Variants in PIEZO1 observed in about 807,000 individuals in gnomAD.
PIEZO1 encodes piezo-type mechanosensitive ion channel component 1.
PIEZO1 carries 296 observed loss-of-function variants against 297.2 expected under a neutral mutation model. The ratio of observed to expected loss-of-function variants is 1.00; its 90% CI spans 0.91 to 1.10. The LOEUF is 1.10. Ranked by LOEUF, PIEZO1 falls within the 50% of genes least tolerant of loss-of-function variation. The pLI, the probability that PIEZO1 is intolerant of heterozygous loss-of-function variation, is 0.00. For missense variants in PIEZO1, 5,018 were observed against 3,455.5 expected, an observed-to-expected ratio of 1.45 and a Z score of -11.34; for synonymous variants, 2,427 against 1,507.5, an observed-to-expected ratio of 1.61 and a Z score of -14.13.
intron 2 of PIEZO1, chr16:88,743,286 G>A (rs887029325): frequency 6.6e-6 from 3 of 456,456 alleles, no homozygotes; most frequent in South Asian, 3.1e-5. Flanking sequence ...CTTCAGCAGG[G>A]GTCCGGACCA....
rs1025262017 is a variant in PIEZO1 at position 88,720,170 on chromosome 16, G to C, written c.6063C>G (p.Leu2021=). The change falls in exon 42 of 51, where the codon CTC becomes CTG. Residue 2021 remains leucine, a synonymous_variant. Coordinates refer to ENST00000301015, the MANE Select transcript of PIEZO1 (RefSeq NM_001142864.4). The part of the protein sequence containing the change: ...QFSTMVVDRA[L]YLRKTVLGKL... The stretch of plus-strand genomic sequence containing the variant: ...TGCCCAGCACGGTCTTGCGCAGGTA[G>C]AGGGCGCGGTCAACCACCATGGTAC... The C allele has an allele frequency of 2.3e-5, 36 of 1,550,424 alleles. No individual in the cohort carries two copies. Among genetic ancestry groups the C allele is most frequent in the Non-Finnish European group, 3.1e-5 (35 of 1,146,996 alleles).
At chr16:88,719,755 C>T in intron 43 of PIEZO1, 34 bp from the exon 44 acceptor site, 1 of 1,550,178 alleles carries the variant, frequency 6.5e-7, no homozygotes, top group African/African-American at 1.4e-5. Context: ...CAGGTGGGCT[C>T]CCTCATGCCC....
rs1037288948 is a variant in PIEZO1, at chr16:88,727,409, T to C, written c.3301+148A>G. 1.2e-4 allele frequency: 79 copies of C among 647,534 alleles called. No individual in the cohort carries two copies. In the Admixed American group the frequency reaches 2.3e-3, roughly 19 times the overall value. 40.1% of individuals were successfully genotyped at this position (647,534 alleles called of 1,614,324 possible). A position where few individuals can be genotyped will look rare whatever the true frequency, so the allele number is the denominator to read the frequency against. ...GCACACAGGCTGAGGTCTGCGTGCGTGCGTGCGAGGTCAGGGCCTGCAGGC... is the reference window on the plus strand; with the variant it reads ...GCACACAGGCTGAGGTCTGCGTGCGCGCGTGCGAGGTCAGGGCCTGCAGGC... On this transcript the variant is annotated intron_variant, in intron 23 of 50. Transcript: ENST00000301015.
In PIEZO1 at chr16:88,754,644, C is replaced by A. The variant is rs185418818; in HGVS notation, c.65-5165G>T. Among the ~76,000 whole-genome samples the A allele has an allele frequency of 1.8e-3, 275 of 152,324 alleles. 2 individuals carry two copies. Among genetic ancestry groups the A allele is most frequent in the African/African-American group, 6.1e-3 (255 of 41,562 alleles). The stretch of plus-strand genomic sequence containing the variant: ...GGATGGGGCTTTCACAACCTGGACA[C>A]CTCATACATGCTCCCTCCAGGAGCC... On this transcript the variant is annotated intron_variant, in intron 1 of 50. Transcript: ENST00000301015.
intron 1 of PIEZO1, among the ~76,000 whole-genome samples, chr16:88,782,797 G>A (rs977168416): frequency 6.6e-6 from 1 of 152,218 alleles, no homozygotes; most frequent in African/African-American, 2.4e-5. Flanking sequence ...TCCATCTGGA[G>A]CTGCCCACAC....
chr16:88,768,711 A>G (rs1597484797), intron 1 of PIEZO1, among the ~76,000 whole-genome samples: 1 of 152,140 alleles, frequency 6.6e-6, no homozygotes, highest in African/African-American at 2.4e-5. Flanking sequence ...CCTTCCTGGC[A>G]GTGAGGGGCT....
chr16:88,743,864 T>C, intron 2 of PIEZO1: 1 of 325,160 alleles, frequency 3.1e-6, no homozygotes, highest in South Asian at 2.3e-5. Context: ...CTCTGACCTG[T>C]GGAGGATGGG....
intron 1 of PIEZO1, among the ~76,000 whole-genome samples, chr16:88,751,615 C>A (rs924620968): frequency 6.6e-6 from 1 of 152,086 alleles, no homozygotes; most frequent in African/African-American, 2.4e-5. Flanking sequence ...ACGCACCAAG[C>A]ATAGCCATCG....
chr16:88,726,304 G>A lies in PIEZO1; in HGVS notation c.3948C>T (p.Ala1316=), dbSNP rs1454316137. The A allele has an allele frequency of 6.5e-7, 1 of 1,549,676 alleles. No homozygotes were observed. The change falls in exon 27 of 51, where the codon GCC becomes GCT. Residue 1316 remains alanine, a synonymous_variant. Coordinates refer to ENST00000301015, the MANE Select transcript of PIEZO1 (RefSeq NM_001142864.4). ...YYLHVRADLQ[A]TALLASRGFA... is the part of the protein sequence containing the mutation. ...CTTGCCTGGAGGCTAGCAGGGCGGT[G>A]GCCTGGAGGTCGGCCCTGACGTGCA...
chr16:88,734,287 C>T (rs1418173909), intron 16 of PIEZO1, 69 bp downstream of exon 16: 4 of 1,387,318 alleles, frequency 2.9e-6, no homozygotes, highest in South Asian at 2.9e-5. Flanking sequence ...GTCCAACTCC[C>T]ACCTGGCTCC....
At chr16:88,761,993 C>T (rs1906954418) in intron 1 of PIEZO1, among the ~76,000 whole-genome samples, 2 of 152,200 alleles carry the variant, frequency 1.3e-5, no homozygotes, top group African/African-American at 4.8e-5. Context: ...CCCGCAGCCT[C>T]TCCAGAAAGG....
Position 88,715,698 on chromosome 16 carries a change from C to T in PIEZO1, c.7473G>A (p.Arg2491=). 6.4e-7 allele frequency: 1 copy of T among 1,550,424 alleles called. No homozygotes were observed. The highest frequency in any genetic ancestry group is 8.7e-7 in the Non-Finnish European group (1 of 1,146,970). ...CQDIFLVRET[R]ELELEEELYA... Reference sequence around the variant, plus strand: ...ACAACTCCTCCTCCAGCTCCAGCTCCCGAGTCTCCCGCACCAGGAAGATGT... The same window carrying T: ...ACAACTCCTCCTCCAGCTCCAGCTCTCGAGTCTCCCGCACCAGGAAGATGT... The change falls in exon 51 of 51, where the codon CGG becomes CGA. Residue 2491 remains arginine, a synonymous_variant. Transcript: ENST00000301015.
intron 1 of PIEZO1, among the ~76,000 whole-genome samples, chr16:88,762,107 C>T (rs994388806): frequency 6.6e-6 from 1 of 152,156 alleles, no homozygotes; most frequent in Admixed American, 6.5e-5. Context: ...ACGCAGGTCC[C>T]GGAATGTCTG....
At chr16:88,768,245 C>G (rs1474543267) in intron 1 of PIEZO1, among the ~76,000 whole-genome samples, 2 of 152,236 alleles carry the variant, frequency 1.3e-5, no homozygotes, top group Non-Finnish European at 2.9e-5. Flanking sequence ...CCCCTCCCCC[C>G]ACATCCCAGC....
intron 2 of PIEZO1, chr16:88,743,596 T>C: frequency 2.2e-6 from 1 of 456,652 alleles, no homozygotes; most frequent in Non-Finnish European, 4.4e-6. Flanking sequence ...GTTCAGTTTT[T>C]TGAGCACAAA....
chr16:88,776,813 G>T (rs1181598660), intron 1 of PIEZO1, among the ~76,000 whole-genome samples: 1 of 152,218 alleles, frequency 6.6e-6, no homozygotes, highest in Non-Finnish European at 1.5e-5. Context: ...CCCTGAGCCT[G>T]TACGTCCTCA....
At chr16:88,759,909 G>A (rs1906848515) in intron 1 of PIEZO1, among the ~76,000 whole-genome samples, 1 of 152,120 alleles carries the variant, frequency 6.6e-6, no homozygotes, top group Non-Finnish European at 1.5e-5. Context: ...GGACCTGGGG[G>A]GCTCCCCCAA....
intron 1 of PIEZO1, among the ~76,000 whole-genome samples, chr16:88,782,496 T>A (rs533292340): frequency 6.6e-6 from 1 of 152,166 alleles, no homozygotes; most frequent in Non-Finnish European, 1.5e-5. Flanking sequence ...AGGAGGCCCC[T>A]GCTCCCTGTG....
At chr16:88,742,799 T>G (rs1905773763) in intron 2 of PIEZO1, 2 of 340,348 alleles carry the variant, frequency 5.9e-6, no homozygotes, top group Admixed American at 8.1e-5. Flanking sequence ...AAGCTCCACC[T>G]CACCCCAGTG....
Sources: allele counts gnomAD v4.1 joint callset (sites outside exome capture counted in the v4.1 genomes callset), GRCh38; gene constraint gnomAD v4.1.1; transcripts MANE v1.5; gene names NCBI Gene and HGNC (gene_info 2026-07-23, HGNC 2026-07-21).